The following TMEM240 variants were observed in gnomAD, a reference collection of about 807,000 sequenced individuals.
The protein encoded by TMEM240 is transmembrane protein 240.
In TMEM240, 3 loss-of-function variants were observed where a neutral mutation model predicts 19.5. The ratio of observed to expected loss-of-function variants is 0.15; its 90% CI spans 0.07 to 0.40. The LOEUF is 0.40. TMEM240 is among the 10% of genes least tolerant of loss of function. The pLI, the probability that TMEM240 is intolerant of heterozygous loss-of-function variation, is 1.00. For missense variants in TMEM240, 210 were observed against 253.5 expected (o/e 0.83, Z 1.17); for synonymous variants, 123 against 109.3 (o/e 1.13, Z -0.78).
chr1:1,535,922 T>A lies in TMEM240; in HGVS notation c.165-125A>T. 1.8e-6 allele frequency: 1 copy of A among 552,596 alleles called. No individual in the cohort carries two copies. The highest frequency in any genetic ancestry group is 3.3e-6 in the Non-Finnish European group (1 of 301,372). 34.2% of individuals were successfully genotyped at this position (552,596 alleles called of 1,614,324 possible). On this transcript the variant is annotated intron_variant, in intron 2 of 3. Transcript: ENST00000378733. The surrounding 1 kb of genome is among the most constrained non-coding windows in gnomAD (Gnocchi z 8.2). ...GCCCTGGGGGTTCTCTGAAGCAGCC[T>A]CTTGGGCGGGCGGGTCGGGAAGGGG...
At position 1,535,337 on chromosome 1, in the gene TMEM240, C is replaced by T. The variant is rs1168966485; in HGVS notation, c.*22G>A. The T allele has an allele frequency of 2.3e-5, 36 of 1,547,026 alleles. No homozygotes were observed. The highest frequency in any genetic ancestry group is 4.0e-5 in the Admixed American group (2 of 50,596). On this transcript the variant is annotated 3_prime_UTR_variant, in exon 4 of 4. Coordinates refer to ENST00000378733, the MANE Select transcript of TMEM240 (RefSeq NM_001114748.2). The surrounding 1 kb of genome is among the most constrained non-coding windows in gnomAD (Gnocchi z 8.2). ...GTACAGCAGCCGGTTGGCTCGGTGG[C>T]CCCGGTAAGTCCCCGTGCGGCTCAC... is the stretch of plus-strand genomic sequence containing the variant.
In TMEM240 at chr1:1,535,180, C is replaced by G. The variant is rs1460209083; in HGVS notation, c.*179G>C. On this transcript the variant is annotated 3_prime_UTR_variant, in exon 4 of 4. Coordinates refer to ENST00000378733, the MANE Select transcript of TMEM240 (RefSeq NM_001114748.2). The surrounding 1 kb of genome is among the most constrained non-coding windows in gnomAD (Gnocchi z 8.2). ...ACCCCCACCCTAGCCCACACCCCAACCCCCTTTATAAAAAGAAGAGACAGC... is the reference window on the plus strand; with the variant it reads ...ACCCCCACCCTAGCCCACACCCCAAGCCCCTTTATAAAAAGAAGAGACAGC... 4 of 495,278 alleles carry G rather than the reference C, an allele frequency of 8.1e-6. No homozygotes were observed. The highest frequency in any genetic ancestry group is 1.4e-5 in the Non-Finnish European group (4 of 281,808). 30.7% of individuals were successfully genotyped at this position (495,278 alleles called of 1,614,324 possible).
At chr1:1,539,472 C>T (rs1488284131) in intron 2 of TMEM240, 4 of 581,166 alleles carry the variant, frequency 6.9e-6, no homozygotes, top group African/African-American at 5.8e-5. Flanking sequence ...CCGCCATCAC[C>T]CTGGAGGCCT....
In TMEM240 at chr1:1,535,264, C is replaced by A; in HGVS notation, c.*95G>T. On this transcript the variant is annotated 3_prime_UTR_variant, in exon 4 of 4. Coordinates refer to ENST00000378733, the MANE Select transcript of TMEM240 (RefSeq NM_001114748.2). The surrounding 1 kb of genome is among the most constrained non-coding windows in gnomAD (Gnocchi z 8.2). ...CCCGGACAACCTGGGCCCAGGGCTG[C>A]TGTCCAGTCCCGCCGGCCCGGGCGT... The A allele has an allele frequency of 7.1e-7, 1 of 1,418,288 alleles. No homozygotes were observed. The highest frequency in any genetic ancestry group is 9.5e-7 in the Non-Finnish European group (1 of 1,056,308). The allele number at this position is 1,418,288 out of a possible 1,614,324, so 87.9% of individuals were successfully genotyped here.
Position 1,535,923 on chromosome 1 carries a change from C to G in TMEM240, c.165-126G>C. On this transcript the variant is annotated intron_variant, in intron 2 of 3. Coordinates refer to ENST00000378733, the MANE Select transcript of TMEM240 (RefSeq NM_001114748.2). This position sits in a 1 kb window ranked among gnomAD's most constrained non-coding sequence, Gnocchi z 8.2. Reference sequence around the variant, plus strand: ...CCCTGGGGGTTCTCTGAAGCAGCCTCTTGGGCGGGCGGGTCGGGAAGGGGG... The same window carrying G: ...CCCTGGGGGTTCTCTGAAGCAGCCTGTTGGGCGGGCGGGTCGGGAAGGGGG... The G allele has an allele frequency of 2.4e-4, 97 of 404,100 alleles. No individual in the cohort carries two copies. Among genetic ancestry groups the G allele is most frequent in the Middle Eastern group, 8.3e-4 (1 of 1,206 alleles). 25.0% of individuals were successfully genotyped at this position (404,100 alleles called of 1,614,324 possible).
At position 1,535,217 on chromosome 1, in the gene TMEM240, G is replaced by T; in HGVS notation, c.*142C>A. On this transcript the variant is annotated 3_prime_UTR_variant, in exon 4 of 4. Coordinates refer to ENST00000378733, the MANE Select transcript of TMEM240 (RefSeq NM_001114748.2). The surrounding 1 kb of genome is among the most constrained non-coding windows in gnomAD (Gnocchi z 8.2). ...AAAGAAGAGACAGCACCTTCCACTG[G>T]ACTCTCCCGGCCGGCCACAGCCCCG... 2 of 917,394 alleles carry T rather than the reference G, an allele frequency of 2.2e-6. No individual in the cohort carries two copies. Among genetic ancestry groups the T allele is most frequent in the Non-Finnish European group, 3.2e-6 (2 of 623,152 alleles). 56.8% of individuals were successfully genotyped at this position (917,394 alleles called of 1,614,324 possible).
rs1642220728 is a variant in TMEM240 at position 1,536,316 on chromosome 1, C to T, written c.165-519G>A. On this transcript the variant is annotated intron_variant, in intron 2 of 3. Coordinates refer to ENST00000378733, the MANE Select transcript of TMEM240 (RefSeq NM_001114748.2). This position sits in a 1 kb window ranked among gnomAD's most constrained non-coding sequence, Gnocchi z 5.4. The stretch of plus-strand genomic sequence containing the variant: ...GCTGTGCCCTTTCCTCCACGGCTGC[C>T]ACCGCGCCTGCCAGGCCCACTGCCC... 6.6e-6 allele frequency among the ~76,000 whole-genome samples: 1 copy of T among 152,172 alleles called. No homozygotes were observed. Among genetic ancestry groups the T allele is most frequent in the African/African-American group, 2.4e-5 (1 of 41,428 alleles).
At chr1:1,540,179 C>G in intron 1 of TMEM240, 111 bp downstream of exon 1, 1 of 447,990 alleles carries the variant, frequency 2.2e-6, no homozygotes, top group Non-Finnish European at 3.1e-6. Context: ...GGAGCGCAGG[C>G]CGGGGAGGGG....
chr1:1,537,028 C>A (rs1642233537), intron 2 of TMEM240, among the ~76,000 whole-genome samples: 1 of 152,148 alleles, frequency 6.6e-6, no homozygotes, highest in Non-Finnish European at 1.5e-5. Context: ...GAAAGCCCAG[C>A]CTGTCCGTCC....
At position 1,537,862 on chromosome 1, in the gene TMEM240, C is replaced by T. The variant is rs572167572; in HGVS notation, c.164+1822G>A. Among the ~76,000 whole-genome samples, 5 of 152,362 alleles carry T rather than the reference C, an allele frequency of 3.3e-5. No homozygotes were observed. In the South Asian group the frequency reaches 1.0e-3, roughly 32 times the overall value. On this transcript the variant is annotated intron_variant, in intron 2 of 3. Coordinates refer to ENST00000378733, the MANE Select transcript of TMEM240 (RefSeq NM_001114748.2). ...ACCCTCTCCACGGGGCGCCACGTCA[C>T]GTGCATGGACGGATGTCTAGTTTGG...
In TMEM240 at chr1:1,535,925, T is replaced by TTG; in HGVS notation, c.165-129_165-128insCA. ...CTGGGGGTTCTCTGAAGCAGCCTCT[T>TTG]GGGCGGGCGGGTCGGGAAGGGGGCA... On this transcript the variant is annotated intron_variant, in intron 2 of 3. Transcript: ENST00000378733. The surrounding 1 kb of genome is among the most constrained non-coding windows in gnomAD (Gnocchi z 8.2). 5.3e-6 allele frequency: 2 copies of TTG among 379,112 alleles called. No individual in the cohort carries two copies. The allele number at this position is 379,112 out of a possible 1,614,324, so 23.5% of individuals were successfully genotyped here.
In TMEM240 at chr1:1,535,443, C is replaced by G. The variant is rs1156368857; in HGVS notation, c.438G>C (p.Arg146Ser). ...SLRELGRRPH[R>S]PFEEAAGNMV... ...TGTTCCCGGCGGCCTCCTCGAAGGGCCTGTGCGGCCGCCGGCCCAGCTCCC... is the reference window on the plus strand; with the variant it reads ...TGTTCCCGGCGGCCTCCTCGAAGGGGCTGTGCGGCCGCCGGCCCAGCTCCC... Residue 146 changes from arginine (R) to serine (S), a missense_variant, in exon 4 of 4, where the codon AGG becomes AGC. Physicochemically the swap from Arg to Ser is moderately radical, Grantham distance 110. This residue lies in a region of TMEM240 where 157 missense variants were observed against 168.2 expected (regional missense o/e 0.93). Transcript: ENST00000378733. This position sits in a 1 kb window ranked among gnomAD's most constrained non-coding sequence, Gnocchi z 8.2. The G allele has an allele frequency of 1.0e-5, 16 of 1,549,172 alleles. No homozygotes were observed. Among genetic ancestry groups the G allele is most frequent in the East Asian group, 2.4e-5 (1 of 40,870 alleles).
chr1:1,538,285 G>A (rs577672545), intron 2 of TMEM240, among the ~76,000 whole-genome samples: 31 of 152,328 alleles, frequency 2.0e-4, no homozygotes, highest in East Asian at 5.8e-4. Flanking sequence ...CAGCAATACC[G>A]TCTACAGCAG....
chr1:1,540,150 G>A (rs1570374232), intron 1 of TMEM240, 140 bp downstream of exon 1: 2 of 313,554 alleles, frequency 6.4e-6, no homozygotes, highest in East Asian at 5.3e-5. Context: ...GCCGGGGAGG[G>A]GAGCGCAGGC....
In TMEM240 at chr1:1,539,490, C is replaced by G. The variant is rs1265845777; in HGVS notation, c.164+194G>C. 4.4e-5 allele frequency: 26 copies of G among 591,386 alleles called. No homozygotes were observed. The Admixed American group carries it at 5.6e-4, about 13-fold the overall frequency. 36.6% of individuals were successfully genotyped at this position (591,386 alleles called of 1,614,324 possible). A position where few individuals can be genotyped will look rare whatever the true frequency, so the allele number is the denominator to read the frequency against. ...CCATCACCCTGGAGGCCTCTAGGAA[C>G]GGCGTCCTAAAGCCATGCGCCCCCA... On this transcript the variant is annotated intron_variant, in intron 2 of 3. Coordinates refer to ENST00000378733, the MANE Select transcript of TMEM240 (RefSeq NM_001114748.2).
Position 1,534,915 on chromosome 1 carries a change from T to TCCCTCCCCCCC in TMEM240, c.*443_*444insGGGGGGGAGGG, listed in dbSNP as rs1642178252. ...CCTGTGGCTGTGCACACGCGGGTGC[T>TCCCTCCCCCCC]CCCCTCGCCCCCCTCCCCTCCGCCC... On this transcript the variant is annotated 3_prime_UTR_variant, in exon 4 of 4. Transcript: ENST00000378733. Among the ~76,000 whole-genome samples, 2 of 150,180 alleles carry TCCCTCCCCCCC rather than the reference T, an allele frequency of 1.3e-5. No individual in the cohort carries two copies. The highest frequency in any genetic ancestry group is 5.0e-5 in the African/African-American group (2 of 40,112).
chr1:1,536,348 T>C lies in TMEM240; in HGVS notation c.165-551A>G, dbSNP rs1242293154. Among the ~76,000 whole-genome samples, 1 of 152,108 alleles carries C rather than the reference T, an allele frequency of 6.6e-6. No homozygotes were observed. The highest frequency in any genetic ancestry group is 1.5e-5 in the Non-Finnish European group (1 of 67,992). On this transcript the variant is annotated intron_variant, in intron 2 of 3. Transcript: ENST00000378733. This position sits in a 1 kb window ranked among gnomAD's most constrained non-coding sequence, Gnocchi z 5.4. ...CCTGCCAGGCCCACTGCCCCTGGTG[T>C]TTCTTCTGCTCCTCTATCCCTGGGA...
Position 1,539,779 on chromosome 1 carries a change from G to A in TMEM240, c.69C>T (p.Cys23=), listed in dbSNP as rs1287060260. The A allele has an allele frequency of 6.5e-7, 1 of 1,547,206 alleles. No individual in the cohort carries two copies. Among genetic ancestry groups the A allele is most frequent in the East Asian group, 2.5e-5 (1 of 40,768 alleles). The part of the protein sequence containing the change: ...LGASVVMAIA[C]LMDMNALLDR... ...CCAGCAGCGCGTTCATGTCCATCAA[G>A]CACGCGATGGCCTGGAAGAGCTCAT... Residue 23 remains cysteine (C), a synonymous_variant, in exon 2 of 4, where the codon TGC becomes TGT. Coordinates refer to ENST00000378733, the MANE Select transcript of TMEM240 (RefSeq NM_001114748.2).
Position 1,535,710 on chromosome 1 carries a change from G to C in TMEM240, c.252C>G (p.Thr84=), listed in dbSNP as rs1158072418. Residue 84 remains threonine (T), a synonymous_variant, in exon 3 of 4, where the codon ACC becomes ACG. Transcript: ENST00000378733. The surrounding 1 kb of genome is among the most constrained non-coding windows in gnomAD (Gnocchi z 8.2). ...CCAGCATGAGGTCGATCTCCTGCTT[G>C]GTCACACTGTCCGTCACAAAGTAGT... ...SENYFVTDSV[T]KQEIDLMLGL... 65 of 1,550,392 alleles carry C rather than the reference G, an allele frequency of 4.2e-5. No homozygotes were observed. The East Asian group carries it at 1.6e-3, about 37-fold the overall frequency.
Sources: allele counts gnomAD v4.1 joint callset (sites outside exome capture counted in the v4.1 genomes callset), GRCh38; gene constraint gnomAD v4.1.1; regional missense constraint gnomAD v4.1.1; non-coding constraint Gnocchi (gnomAD v3.1); transcripts MANE v1.5; gene names NCBI Gene and HGNC (gene_info 2026-07-23, HGNC 2026-07-21).